WDR70: variants seen among roughly 807,000 people sequenced by gnomAD.
The protein encoded by WDR70 is WD repeat domain 70, also known as WD repeat-containing protein 70.
Under a neutral mutation model 88.6 loss-of-function variants are expected in WDR70, and 53 were observed. The ratio of observed to expected loss-of-function variants is 0.60; its 90% confidence interval spans 0.48 to 0.75. The LOEUF (loss-of-function observed/expected upper bound fraction) is 0.75. WDR70 is among the 30% of genes least tolerant of loss of function. The probability of loss-of-function intolerance (pLI) is 0.00; values close to 1 mark genes in which losing one functional copy is unlikely to be tolerated. For missense variants in WDR70, 610 were observed against 823.2 expected (o/e 0.74, Z 3.17); for synonymous variants, 280 against 270.0 (o/e 1.04, Z -0.36).
chr5:37,532,286 T>G (rs1741517146), intron 9 of WDR70, among the ~76,000 whole-genome samples: 1 of 152,234 alleles, frequency 6.6e-6, no homozygotes, highest in Non-Finnish European at 1.5e-5. Context: ...TTGAGCTTCT[T>G]GTATTTGGAT....
chr5:37,481,534 G>A (rs1160944228), intron 8 of WDR70, among the ~76,000 whole-genome samples: 6 of 151,982 alleles, frequency 3.9e-5, no homozygotes, highest in African/African-American at 1.5e-4. Flanking sequence ...TTTACCTATG[G>A]CGGGAGCAGC....
intron 13 of WDR70, among the ~76,000 whole-genome samples, chr5:37,703,628 T>C (rs866940702): frequency 2.0e-5 from 3 of 152,238 alleles, no homozygotes; most frequent in Non-Finnish European, 2.9e-5. Context: ...ACATTAGTTT[T>C]CTTTACAGAT....
chr5:37,648,047 G>C (rs1450863552), intron 10 of WDR70, among the ~76,000 whole-genome samples: 8 of 152,122 alleles, frequency 5.3e-5, no homozygotes, highest in African/African-American at 1.9e-4. Flanking sequence ...TGAGATTTGG[G>C]TGTGGACACA....
At chr5:37,401,627 A>T (rs1410749280) in intron 5 of WDR70, among the ~76,000 whole-genome samples, 1 of 151,946 alleles carries the variant, frequency 6.6e-6, no homozygotes, top group Non-Finnish European at 1.5e-5. Context: ...CAAATTTTTT[A>T]TTTTTAAAAT....
intron 8 of WDR70, among the ~76,000 whole-genome samples, chr5:37,485,360 C>G (rs540830317): frequency 1.3e-5 from 2 of 152,298 alleles, no homozygotes; most frequent in South Asian, 2.1e-4. Context: ...CATAGAGTGT[C>G]AAAGAATTTC....
chr5:37,600,872 G>A (rs1377731379), intron 9 of WDR70, among the ~76,000 whole-genome samples: 2 of 152,166 alleles, frequency 1.3e-5, no homozygotes, highest in Non-Finnish European at 2.9e-5. Flanking sequence ...TTTTGTAACT[G>A]ACAACTTTCC....
At chr5:37,627,555 G>C (rs1384312379) in intron 10 of WDR70, among the ~76,000 whole-genome samples, 1 of 151,934 alleles carries the variant, frequency 6.6e-6, no homozygotes, top group Non-Finnish European at 1.5e-5. Context: ...TTTGGCATAG[G>C]CATGTATTAC....
At position 37,418,850 on chromosome 5, in the gene WDR70, G is replaced by A. The variant is rs373377693; in HGVS notation, c.493-19072G>A. ...CTTGGCTCTGCTCACTGCAACCTCC[G>A]CCTCCTAGGTTCAAGCAATTCTCCT... On this transcript the variant is annotated intron_variant, in intron 5 of 17. Transcript: ENST00000265107. Among the ~76,000 whole-genome samples, 73 of 151,878 alleles carry A rather than the reference G, an allele frequency of 4.8e-4. No individual in the cohort carries two copies. The South Asian group carries it at 0.014, about 29-fold the overall frequency.
intron 9 of WDR70, among the ~76,000 whole-genome samples, chr5:37,598,409 A>T (rs764621488): frequency 6.6e-6 from 1 of 152,214 alleles, no homozygotes; most frequent in Non-Finnish European, 1.5e-5. Context: ...GAGATTAGGG[A>T]TATAAACATA....
At chr5:37,635,562 T>G (rs189873730) in intron 10 of WDR70, among the ~76,000 whole-genome samples, 1 of 152,250 alleles carries the variant, frequency 6.6e-6, no homozygotes, top group Admixed American at 6.5e-5. Flanking sequence ...TCCCAGTGAA[T>G]TTTTAAAAAT....
intron 10 of WDR70, among the ~76,000 whole-genome samples, chr5:37,647,004 A>G (rs575815016): frequency 1.3e-5 from 2 of 151,954 alleles, no homozygotes; most frequent in Non-Finnish European, 2.9e-5. Context: ...TAACTCTTAG[A>G]TTTGCCCTTT....
At chr5:37,475,530 G>T (rs370400841) in intron 7 of WDR70, among the ~76,000 whole-genome samples, 8 of 152,106 alleles carry the variant, frequency 5.3e-5, no homozygotes, top group African/African-American at 1.4e-4. Context: ...GAGCCACCAC[G>T]CCTGGCCCTC....
At chr5:37,392,177 G>GTTTTTTTTTTT in intron 4 of WDR70, 57 bp downstream of exon 4, 2 of 1,310,518 alleles carry the variant, frequency 1.5e-6, no homozygotes, top group Non-Finnish European at 2.1e-6. Flanking sequence ...TGTTTATAGA[G>GTTTTTTTTTTT]TTTTTTTTTT....
intron 17 of WDR70, among the ~76,000 whole-genome samples, chr5:37,737,516 T>C (rs1286796194): frequency 6.6e-6 from 1 of 152,204 alleles, no homozygotes; most frequent in Non-Finnish European, 1.5e-5. Flanking sequence ...GAGATTTAGC[T>C]TCAGCTCCGC....
chr5:37,449,380 T>G (rs1232773211), intron 7 of WDR70, among the ~76,000 whole-genome samples: 1 of 152,026 alleles, frequency 6.6e-6, no homozygotes, highest in Non-Finnish European at 1.5e-5. Flanking sequence ...TCACCTGAGG[T>G]CAGGAGTTCA....
At chr5:37,472,773 A>G (rs1739364689) in intron 7 of WDR70, among the ~76,000 whole-genome samples, 3 of 152,030 alleles carry the variant, frequency 2.0e-5, no homozygotes, top group African/African-American at 4.8e-5. Context: ...TGCTGGGATT[A>G]CAGGCATGAG....
chr5:37,684,566 G>C (rs779642436), intron 10 of WDR70, among the ~76,000 whole-genome samples: 2 of 152,188 alleles, frequency 1.3e-5, no homozygotes, highest in Non-Finnish European at 2.9e-5. Flanking sequence ...GGGGGCTAAG[G>C]CTCCGCTCCC....
At chr5:37,577,074 T>C (rs1485505824) in intron 9 of WDR70, among the ~76,000 whole-genome samples, 1 of 152,158 alleles carries the variant, frequency 6.6e-6, no homozygotes, top group Non-Finnish European at 1.5e-5. Context: ...AGTCATGAGT[T>C]ATTGGCACTT....
intron 9 of WDR70, among the ~76,000 whole-genome samples, chr5:37,593,395 C>T (rs570217529): frequency 1.7e-4 from 26 of 152,064 alleles, no homozygotes; most frequent in Admixed American, 6.6e-4. Context: ...TGAGAACATG[C>T]GGTGTTTGAT....
Sources: allele counts gnomAD v4.1 joint callset (sites outside exome capture counted in the v4.1 genomes callset), GRCh38; gene constraint gnomAD v4.1.1; transcripts MANE v1.5; gene names NCBI Gene and HGNC (gene_info 2026-07-23, HGNC 2026-07-21).